The following SCN11A variants were observed in gnomAD, a reference collection of about 807,000 sequenced individuals.
SCN11A encodes the protein sodium voltage-gated channel alpha subunit 11, also known as sodium channel protein type 11 subunit alpha.
A neutral mutation model predicts 162.2 loss-of-function variants in SCN11A; 122 were observed. The ratio of observed to expected loss-of-function variants is 0.75; its 90% CI spans 0.65 to 0.87. The LOEUF (loss-of-function observed/expected upper bound fraction) is 0.87, where lower values mean the gene tolerates loss of function less well. SCN11A is among the 40% of genes least tolerant of loss of function. The probability of loss-of-function intolerance (pLI) is 0.00; values close to 1 mark genes in which losing one functional copy is unlikely to be tolerated. For missense variants in SCN11A, 2,015 were observed against 2,181.6 expected, an observed-to-expected ratio of 0.92 and a Z score of 1.52; for synonymous variants, 758 against 751.5, an observed-to-expected ratio of 1.01 and a Z score of -0.14.
chr3:38,886,254 C>T lies in SCN11A; in HGVS notation c.2836-16G>A. The T allele has an allele frequency of 6.5e-7, 1 of 1,538,964 alleles. No homozygotes were observed. Among genetic ancestry groups the T allele is most frequent in the Non-Finnish European group, 9.0e-7 (1 of 1,115,162 alleles). Reference sequence around the variant, plus strand: ...GCTCATAGGCCTAACACAGAGAGCCCAGAATAGAATTAATATTCCTCCTGG... The same window carrying T: ...GCTCATAGGCCTAACACAGAGAGCCTAGAATAGAATTAATATTCCTCCTGG... On this transcript the variant is annotated splice_polypyrimidine_tract_variant and intron_variant, in intron 19 of 29. Coordinates refer to ENST00000302328, the MANE Select transcript of SCN11A (RefSeq NM_001349253.2).
chr3:39,050,105 C>G (rs6763607), intron 1 of SCN11A, among the ~76,000 whole-genome samples: 76,740 of 152,078 alleles, frequency 0.5, 22,939 homozygotes, highest in African/African-American at 0.85. Flanking sequence ...TATTTCCCTA[C>G]CTGTATTTCA....
intron 16 of SCN11A, among the ~76,000 whole-genome samples, chr3:38,903,070 C>T (rs879728621): frequency 6.6e-6 from 1 of 151,914 alleles, no homozygotes; most frequent in Non-Finnish European, 1.5e-5. Flanking sequence ...AATAAAACAG[C>T]ATTTATTATT....
At chr3:38,927,007 G>A in intron 7 of SCN11A, 76 bp from the exon 8 acceptor site, 2 of 1,380,212 alleles carry the variant, frequency 1.4e-6, no homozygotes, top group Non-Finnish European at 2.0e-6. Context: ...CTATCTTACT[G>A]GCCTTGATTT....
At chr3:38,972,578 A>G (rs1343442566) in intron 2 of SCN11A, among the ~76,000 whole-genome samples, 1 of 152,118 alleles carries the variant, frequency 6.6e-6, no homozygotes, top group South Asian at 2.1e-4. Flanking sequence ...TGTTTCATAT[A>G]TATGTATACA....
chr3:38,856,147 G>T (rs576954956), intron 28 of SCN11A, among the ~76,000 whole-genome samples: 1 of 152,236 alleles, frequency 6.6e-6, no homozygotes, highest in Admixed American at 6.5e-5. Flanking sequence ...AGTAGGGAAA[G>T]TCTGCACCTC....
chr3:39,013,301 C>T (rs2031200023), intron 2 of SCN11A, among the ~76,000 whole-genome samples: 1 of 152,240 alleles, frequency 6.6e-6, no homozygotes, highest in Non-Finnish European at 1.5e-5. Flanking sequence ...ACACATTTTA[C>T]ATGCTTAGTT....
chr3:39,004,172 T>C (rs1419885707), intron 2 of SCN11A, among the ~76,000 whole-genome samples: 1 of 152,236 alleles, frequency 6.6e-6, no homozygotes, highest in Non-Finnish European at 1.5e-5. Flanking sequence ...TTTAAGTCTT[T>C]AATCCATCTT....
chr3:39,050,069 A>C (rs75546666), intron 1 of SCN11A, among the ~76,000 whole-genome samples: 1 of 152,248 alleles, frequency 6.6e-6, no homozygotes, highest in African/African-American at 2.4e-5. Context: ...ATAGACACTT[A>C]AGCAATTTTT....
intron 4 of SCN11A, among the ~76,000 whole-genome samples, chr3:38,952,442 G>A (rs781513304): frequency 6.6e-6 from 1 of 152,196 alleles, no homozygotes; most frequent in Non-Finnish European, 1.5e-5. Context: ...GGAAATTATA[G>A]TAAGAAACCC....
intron 16 of SCN11A, among the ~76,000 whole-genome samples, chr3:38,901,947 TC>T (rs2065707925): frequency 6.6e-6 from 1 of 152,202 alleles, no homozygotes; most frequent in African/African-American, 2.4e-5. Flanking sequence ...TCACTCAGTT[TC>T]CAACTGCAAA....
intron 11 of SCN11A, among the ~76,000 whole-genome samples, chr3:38,914,761 T>C (rs1407677345): frequency 6.6e-6 from 1 of 152,204 alleles, no homozygotes; most frequent in Non-Finnish European, 1.5e-5. Context: ...TTTTTTACTT[T>C]AGTTCTGATG....
At chr3:38,866,852 ATCT>A (rs2065048413) in intron 27 of SCN11A, among the ~76,000 whole-genome samples, 1 of 152,158 alleles carries the variant, frequency 6.6e-6, no homozygotes, top group Non-Finnish European at 1.5e-5. Flanking sequence ...TTCCCCAATC[ATCT>A]TCTTTCCGAG....
chr3:38,971,028 AAGCTATAGATCCTGT>A (rs575123008), intron 2 of SCN11A, among the ~76,000 whole-genome samples: 584 of 152,164 alleles, frequency 3.8e-3, no homozygotes, highest in Non-Finnish European at 6.1e-3. Flanking sequence ...CAGCAACTCA[AAGCTATAGATCCTGT>A]TGCCGTGGCT....
chr3:38,872,123 A>G (rs2065137040), intron 24 of SCN11A, 70 bp downstream of exon 24: 1 of 957,788 alleles, frequency 1.0e-6, no homozygotes, highest in Non-Finnish European at 1.7e-6. Context: ...ATCTCAGCCC[A>G]AAAAGAACTG....
chr3:38,987,347 C>T (rs1345120407), intron 2 of SCN11A, among the ~76,000 whole-genome samples: 6 of 142,588 alleles, frequency 4.2e-5, no homozygotes, highest in Admixed American at 6.9e-5. Context: ...ACACACCTGT[C>T]CTGTCCTTTA....
At chr3:38,922,487 C>T (rs2066069108) in intron 9 of SCN11A, among the ~76,000 whole-genome samples, 1 of 152,218 alleles carries the variant, frequency 6.6e-6, no homozygotes, top group Non-Finnish European at 1.5e-5. Flanking sequence ...ATCCAGGCAT[C>T]TCAGTGCATT....
At chr3:38,958,805 G>T (rs910717683) in intron 3 of SCN11A, among the ~76,000 whole-genome samples, 1 of 152,142 alleles carries the variant, frequency 6.6e-6, no homozygotes, top group Admixed American at 6.5e-5. Context: ...GGTGAAATTT[G>T]GAGTGTGTTA....
chr3:39,016,801 C>T (rs1269688967), intron 2 of SCN11A, among the ~76,000 whole-genome samples: 2 of 152,190 alleles, frequency 1.3e-5, no homozygotes, highest in East Asian at 3.9e-4. Flanking sequence ...CAGGGTTTCA[C>T]CATGTTGGCC....
At chr3:38,976,552 T>C (rs2066850954) in intron 2 of SCN11A, among the ~76,000 whole-genome samples, 1 of 152,230 alleles carries the variant, frequency 6.6e-6, no homozygotes, top group Admixed American at 6.5e-5. Context: ...AGGTTTCATA[T>C]TTTCAGATTA....
Sources: gnomAD v4.1 joint callset for allele counts (sites outside exome capture counted in the v4.1 genomes callset) on GRCh38, gnomAD v4.1.1 for gene constraint, MANE v1.5 for transcripts, NCBI Gene and HGNC (gene_info 2026-07-23, HGNC 2026-07-21) for gene names.